The following EPAS1 variants were observed in gnomAD, a reference collection of about 807,000 sequenced individuals.
The protein encoded by EPAS1 is endothelial PAS domain-containing protein 1.
A neutral mutation model predicts 87.9 loss-of-function variants in EPAS1; 23 were observed. The observed-to-expected ratio is 0.26, with a 90% CI of 0.19 to 0.37. The LOEUF is 0.37. Among genes scored for constraint, EPAS1 ranks in the 10% least tolerant of loss-of-function variants. The probability of loss-of-function intolerance (pLI) is 1.00; values close to 1 mark genes in which losing one functional copy is unlikely to be tolerated. For synonymous variants in EPAS1, 508 were observed against 444.3 expected, an observed-to-expected ratio of 1.14 and a Z score of -1.80; for missense variants, 1,138 against 1,120.7, an observed-to-expected ratio of 1.02 and a Z score of -0.22.
At position 46,346,277 on chromosome 2, in the gene EPAS1, G is replaced by A. The variant is rs1213341693; in HGVS notation, c.27-596G>A. Among the ~76,000 whole-genome samples, 1 of 152,224 alleles carries A rather than the reference G, an allele frequency of 6.6e-6. No individual in the cohort carries two copies. The highest frequency in any genetic ancestry group is 2.4e-5 in the African/African-American group (1 of 41,458). On this transcript the variant is annotated intron_variant, in intron 1 of 15. Transcript: ENST00000263734. The surrounding 1 kb of genome is among the most constrained non-coding windows in gnomAD (Gnocchi z 4.0). ...CTTTTTAATCCTTGACAGAACGCACGTTGGTACTCTAGACTGTTGGGTGTC... is the reference window on the plus strand; with the variant it reads ...CTTTTTAATCCTTGACAGAACGCACATTGGTACTCTAGACTGTTGGGTGTC...
intron 1 of EPAS1, among the ~76,000 whole-genome samples, chr2:46,330,799 G>A (rs1553391820): frequency 6.6e-6 from 1 of 152,214 alleles, no homozygotes; most frequent in Non-Finnish European, 1.5e-5. Context: ...GGCAAGACCT[G>A]TCCTCCTACA....
intron 4 of EPAS1, among the ~76,000 whole-genome samples, chr2:46,359,305 A>ATCCAGAG (rs2103633854): frequency 6.9e-6 from 1 of 145,010 alleles, no homozygotes; most frequent in African/African-American, 2.6e-5. Flanking sequence ...CATGGGGAGA[A>ATCCAGAG]TCCAGAGGTT....
intron 15 of EPAS1, 40 bp downstream of exon 15, chr2:46,382,638 C>G: frequency 2.5e-6 from 4 of 1,612,508 alleles, no homozygotes; most frequent in Non-Finnish European, 3.4e-6. Context: ...TCCCAGGATT[C>G]GATGCCAGGG....
intron 1 of EPAS1, among the ~76,000 whole-genome samples, chr2:46,327,305 A>C (rs1683582742): frequency 6.6e-6 from 1 of 152,232 alleles, no homozygotes. Context: ...GCTATAATCT[A>C]AGTGAGGAGA....
At chr2:46,379,031 A>C (rs566285197) in intron 11 of EPAS1, among the ~76,000 whole-genome samples, 1 of 152,272 alleles carries the variant, frequency 6.6e-6, no homozygotes, top group African/African-American at 2.4e-5. Flanking sequence ...CCGAAATGAT[A>C]CCACTGCACC....
At chr2:46,383,725 T>C (rs1283535281) in intron 15 of EPAS1, among the ~76,000 whole-genome samples, 1 of 152,212 alleles carries the variant, frequency 6.6e-6, no homozygotes, top group East Asian at 1.9e-4. Context: ...TATCAAACTC[T>C]TTTCTGACCA....
At chr2:46,354,425 TAATG>T (rs1684227973) in intron 2 of EPAS1, among the ~76,000 whole-genome samples, 1 of 151,982 alleles carries the variant, frequency 6.6e-6, no homozygotes, top group Non-Finnish European at 1.5e-5. Context: ...TGGAGTTAAA[TAATG>T]AACTAGGAGA....
At chr2:46,349,288 G>A (rs1028325781) in intron 2 of EPAS1, among the ~76,000 whole-genome samples, 2 of 152,192 alleles carry the variant, frequency 1.3e-5, no homozygotes, top group African/African-American at 4.8e-5. Flanking sequence ...TCCTGAGCCT[G>A]GCTGTCCATC....
At chr2:46,319,115 G>GC (rs1248479073) in intron 1 of EPAS1, among the ~76,000 whole-genome samples, 1 of 152,220 alleles carries the variant, frequency 6.6e-6, no homozygotes, top group Non-Finnish European at 1.5e-5. Context: ...TAGCTATGGT[G>GC]CCCCAGAAAT....
rs1195430178 is a variant in EPAS1 at position 46,375,466 on chromosome 2, C to G, written c.887-224C>G. 6.6e-6 allele frequency among the ~76,000 whole-genome samples: 1 copy of G among 152,168 alleles called. No homozygotes were observed. Among genetic ancestry groups the G allele is most frequent in the Non-Finnish European group, 1.5e-5 (1 of 68,032 alleles). On this transcript the variant is annotated intron_variant, in intron 7 of 15. Coordinates refer to ENST00000263734, the MANE Select transcript of EPAS1 (RefSeq NM_001430.5). This position sits in a 1 kb window ranked among gnomAD's most constrained non-coding sequence, Gnocchi z 4.1. ...CCTCAGTAGACAGCCTTGGGCAAGT[C>G]ATTTCACCTCTTCTCACCTCTTTTT...
Position 46,300,669 on chromosome 2 carries a change from A to G in EPAS1, c.26+2732A>G, listed in dbSNP as rs1682978686. Among the ~76,000 whole-genome samples, 1 of 152,088 alleles carries G rather than the reference A, an allele frequency of 6.6e-6. No homozygotes were observed. The highest frequency in any genetic ancestry group is 6.5e-5 in the Admixed American group (1 of 15,282). ...CTTTCACTGGGAAAAAAATGTGGAA[A>G]TTCTGGGATTCACGGGGTTTGAGGA... On this transcript the variant is annotated intron_variant, in intron 1 of 15. Transcript: ENST00000263734. This position sits in a 1 kb window ranked among gnomAD's most constrained non-coding sequence, Gnocchi z 4.1.
intron 1 of EPAS1, among the ~76,000 whole-genome samples, chr2:46,298,525 C>CCACTT (rs1307233051): frequency 6.6e-6 from 1 of 152,236 alleles, no homozygotes; most frequent in Non-Finnish European, 1.5e-5. Flanking sequence ...GTTGGAGAAC[C>CCACTT]CACTTCCTCG....
chr2:46,304,482 C>T (rs965271758), intron 1 of EPAS1, among the ~76,000 whole-genome samples: 3 of 152,174 alleles, frequency 2.0e-5, no homozygotes, highest in Non-Finnish European at 2.9e-5. Flanking sequence ...TAAATGACAA[C>T]TGCCTTTGTT....
chr2:46,316,259 C>T (rs13411168), intron 1 of EPAS1, among the ~76,000 whole-genome samples: 19,517 of 145,620 alleles, frequency 0.13, 2,074 homozygotes, highest in African/African-American at 0.31. Context: ...TGTACATACC[C>T]TTTTTTTTTT....
chr2:46,378,306 G>A (rs1386250912), intron 10 of EPAS1, among the ~76,000 whole-genome samples: 1 of 152,186 alleles, frequency 6.6e-6, no homozygotes, highest in Non-Finnish European at 1.5e-5. Context: ...GAAGGGCTTT[G>A]AGCCCCCAGC....
chr2:46,320,303 A>G (rs1272597060), intron 1 of EPAS1, among the ~76,000 whole-genome samples: 2 of 152,228 alleles, frequency 1.3e-5, no homozygotes, highest in African/African-American at 4.8e-5. Context: ...GGTACTTGCC[A>G]TGTGTACACA....
At chr2:46,308,789 A>G (rs1215247402) in intron 1 of EPAS1, among the ~76,000 whole-genome samples, 4 of 152,238 alleles carry the variant, frequency 2.6e-5, no homozygotes. Flanking sequence ...TCTCAACGTT[A>G]AAAGCAAGAT....
In EPAS1 at chr2:46,377,991, C is replaced by T. The variant is rs368387065; in HGVS notation, c.1347C>T (p.Ser449=). The T allele has an allele frequency of 9.5e-6, 15 of 1,582,014 alleles. No homozygotes were observed. Among genetic ancestry groups the T allele is most frequent in the Middle Eastern group, 1.7e-4 (1 of 5,904 alleles). ...AGTTGAGGAGCCACAGCACCCAGAG[C>T]GAGGCTGGGAGCCTGCCTGCCTTCA... The part of the protein sequence containing the change: ...ATELRSHSTQ[S]EAGSLPAFTV... The change falls in exon 10 of 16, where the codon AGC becomes AGT. Residue 449 remains serine, a synonymous_variant. Coordinates refer to ENST00000263734, the MANE Select transcript of EPAS1 (RefSeq NM_001430.5).
intron 1 of EPAS1, among the ~76,000 whole-genome samples, chr2:46,315,110 T>C (rs905444427): frequency 6.6e-6 from 1 of 152,152 alleles, no homozygotes; most frequent in South Asian, 2.1e-4. Context: ...TTCCAAAATA[T>C]CAACTACTGC....
Sources: allele counts gnomAD v4.1 joint callset (sites outside exome capture counted in the v4.1 genomes callset), GRCh38; gene constraint gnomAD v4.1.1; non-coding constraint Gnocchi (gnomAD v3.1); transcripts MANE v1.5; gene names NCBI Gene and HGNC (gene_info 2026-07-23, HGNC 2026-07-21).